COL28A1: variants seen among roughly 807,000 people sequenced by gnomAD.
COL28A1 encodes the protein collagen type XXVIII alpha 1 chain.
A neutral mutation model predicts 150.2 loss-of-function variants in COL28A1; 161 were observed. The observed-to-expected ratio is 1.07, with a 90% CI of 0.94 to 1.22. COL28A1 has a LOEUF of 1.22. COL28A1 is among the 50% of genes most tolerant of loss of function. COL28A1 has a pLI of 0.00. For synonymous variants in COL28A1, 552 were observed against 469.7 expected, an observed-to-expected ratio of 1.18 and a Z score of -2.26; for missense variants, 1,617 against 1,388.3, an observed-to-expected ratio of 1.16 and a Z score of -2.62.
chr7:7,367,325 A>T (rs1024538746), intron 33 of COL28A1, among the ~76,000 whole-genome samples: 7 of 152,222 alleles, frequency 4.6e-5, no homozygotes, highest in Non-Finnish European at 8.8e-5. Flanking sequence ...TAAACGATGC[A>T]TGACTGCATG....
intron 33 of COL28A1, among the ~76,000 whole-genome samples, chr7:7,369,207 G>A (rs185987959): frequency 3.2e-4 from 49 of 152,210 alleles, no homozygotes; most frequent in African/African-American, 1.2e-3. Flanking sequence ...AACAGGAGAG[G>A]CCCCAGTAGC....
the COL28A1 span, among the ~76,000 whole-genome samples, chr7:7,338,999 A>G: frequency 2.6e-5 from 4 of 152,126 alleles, no homozygotes; most frequent in Non-Finnish European, 5.9e-5. Flanking sequence ...AAAAAAATCA[A>G]CTTCCAAAAC....
At chr7:7,429,270 C>G (rs560486289) in intron 25 of COL28A1, among the ~76,000 whole-genome samples, 47 of 152,262 alleles carry the variant, frequency 3.1e-4, no homozygotes, top group Non-Finnish European at 6.0e-4. Context: ...AAATTTTGCA[C>G]ACATTTGGGT....
the COL28A1 span, among the ~76,000 whole-genome samples, chr7:7,346,569 T>C: frequency 2.0e-5 from 3 of 151,952 alleles, no homozygotes; most frequent in Admixed American, 1.3e-4. Context: ...TACCAGAAAA[T>C]GACTCAAGCC....
At chr7:7,453,563 C>T in intron 16 of COL28A1, 55 bp from the exon 17 acceptor site, 3 of 828,314 alleles carry the variant, frequency 3.6e-6, no homozygotes, top group Admixed American at 2.0e-5. Flanking sequence ...GTTTCAAATC[C>T]TCTAAAGTGA....
At chr7:7,495,526 T>C (rs1005432441) in intron 11 of COL28A1, among the ~76,000 whole-genome samples, 5 of 152,148 alleles carry the variant, frequency 3.3e-5, no homozygotes, top group Admixed American at 6.5e-5. Context: ...CTCCCCAATA[T>C]AGTCATCTTC....
intron 18 of COL28A1, among the ~76,000 whole-genome samples, chr7:7,446,970 C>A (rs1786311077): frequency 6.6e-6 from 1 of 152,116 alleles, no homozygotes; most frequent in Admixed American, 6.5e-5. Context: ...TACCCAAGGC[C>A]AGGAAAACAA....
intron 27 of COL28A1, chr7:7,417,542 G>A (rs1258560197): frequency 1.4e-4 from 14 of 96,586 alleles, no homozygotes; most frequent in African/African-American, 9.5e-4. Flanking sequence ...GGGAGGGAGG[G>A]GGGGGGGAGA....
chr7:7,354,702 T>C (rs1780309056), downstream of COL28A1, among the ~76,000 whole-genome samples: 1 of 152,180 alleles, frequency 6.6e-6, no homozygotes, highest in Non-Finnish European at 1.5e-5. Flanking sequence ...TCTTAAAATA[T>C]TGGGACACTT....
chr7:7,339,121 G>A, the COL28A1 span, among the ~76,000 whole-genome samples: 1 of 152,116 alleles, frequency 6.6e-6, no homozygotes, highest in Non-Finnish European at 1.5e-5. Context: ...AGATATTTGA[G>A]TGATAATAAA....
chr7:7,399,760 G>T (rs1487901880), intron 27 of COL28A1, among the ~76,000 whole-genome samples: 1 of 152,218 alleles, frequency 6.6e-6, no homozygotes, highest in Non-Finnish European at 1.5e-5. Flanking sequence ...TGAGTCTAGG[G>T]CCACTTTATT....
At chr7:7,407,848 C>T (rs956061841) in intron 27 of COL28A1, among the ~76,000 whole-genome samples, 1 of 151,932 alleles carries the variant, frequency 6.6e-6, no homozygotes, top group Non-Finnish European at 1.5e-5. Flanking sequence ...ACAACAATAT[C>T]AGGGTAAAGT....
At chr7:7,370,299 A>G (rs994803974) in intron 33 of COL28A1, among the ~76,000 whole-genome samples, 7 of 152,184 alleles carry the variant, frequency 4.6e-5, no homozygotes, top group African/African-American at 1.7e-4. Flanking sequence ...AGTTGGGCAT[A>G]TGCGTATTTA....
intron 15 of COL28A1, among the ~76,000 whole-genome samples, chr7:7,456,318 G>C (rs936889330): frequency 2.6e-5 from 4 of 152,006 alleles, no homozygotes; most frequent in Non-Finnish European, 5.9e-5. Context: ...TTGCTATTCA[G>C]TCTAAGTTGG....
chr7:7,521,785 C>T, intron 5 of COL28A1, 120 bp downstream of exon 5: 1 of 695,638 alleles, frequency 1.4e-6, no homozygotes, highest in Non-Finnish European at 2.6e-6. Flanking sequence ...TTCCATTTTT[C>T]CTCCCATTTC....
At chr7:7,339,555 A>T in the COL28A1 span, among the ~76,000 whole-genome samples, 1 of 152,120 alleles carries the variant, frequency 6.6e-6, no homozygotes, top group Non-Finnish European at 1.5e-5. Context: ...ATGCTCTGCC[A>T]TTACTTTACT....
At chr7:7,411,398 C>T (rs1783783263) in intron 27 of COL28A1, among the ~76,000 whole-genome samples, 1 of 152,140 alleles carries the variant, frequency 6.6e-6, no homozygotes, top group African/African-American at 2.4e-5. Flanking sequence ...GCTGACCCAC[C>T]CATCTTCACA....
intron 33 of COL28A1, 84 bp from the exon 34 acceptor site, chr7:7,360,612 T>A: frequency 8.5e-7 from 1 of 1,176,256 alleles, no homozygotes; most frequent in Non-Finnish European, 1.2e-6. Context: ...ATATAAAGAC[T>A]AGTTCAGCCA....
chr7:7,485,879 A>G (rs1779598956), intron 13 of COL28A1, among the ~76,000 whole-genome samples: 1 of 152,302 alleles, frequency 6.6e-6, no homozygotes, highest in South Asian at 2.1e-4. Context: ...TTAAGACCAG[A>G]AAAGTTAGTA....
Sources: gnomAD v4.1 joint callset for allele counts (sites outside exome capture counted in the v4.1 genomes callset) on GRCh38, gnomAD v4.1.1 for gene constraint, MANE v1.5 for transcripts, NCBI Gene and HGNC (gene_info 2026-07-23, HGNC 2026-07-21) for gene names.